The following GPR137C variants were observed in gnomAD, a reference collection of about 807,000 sequenced individuals.
The protein encoded by GPR137C is G protein-coupled receptor 137C, also known as integral membrane protein GPR137C.
Under a neutral mutation model 43.4 loss-of-function variants are expected in GPR137C, and 27 were observed. The ratio of observed to expected loss-of-function variants is 0.62; its 90% CI spans 0.46 to 0.86. GPR137C has a LOEUF of 0.86. Ranked by LOEUF, GPR137C falls within the 40% of genes least tolerant of loss-of-function variation. The pLI is 0.00. For synonymous variants in GPR137C, 285 were observed against 226.9 expected, an observed-to-expected ratio of 1.26 and a Z score of -2.30; for missense variants, 522 against 534.6, an observed-to-expected ratio of 0.98 and a Z score of 0.23.
intron 1 of GPR137C, among the ~76,000 whole-genome samples, chr14:52,595,344 C>T (rs2038840084): frequency 6.6e-6 from 1 of 152,120 alleles, no homozygotes; most frequent in Admixed American, 6.6e-5. Flanking sequence ...CTCTGAATTT[C>T]CTGGATTTGA....
intron 3 of GPR137C, chr14:52,613,359 T>G (rs1439271913): frequency 6.6e-6 from 1 of 152,182 alleles, no homozygotes; most frequent in African/African-American, 2.4e-5. Context: ...TTACAAACAA[T>G]TCAATTATAC....
chr14:52,599,238 A>T (rs2139524501), intron 2 of GPR137C, among the ~76,000 whole-genome samples: 1 of 152,260 alleles, frequency 6.6e-6, no homozygotes, highest in South Asian at 2.1e-4. Context: ...TAAGGAGTTC[A>T]TGTGCAGAGT....
chr14:52,585,979 G>A (rs1213595762), intron 1 of GPR137C, among the ~76,000 whole-genome samples: 1 of 152,210 alleles, frequency 6.6e-6, no homozygotes, highest in Non-Finnish European at 1.5e-5. Context: ...AGCACTGTGA[G>A]AGGATGTTAC....
At chr14:52,631,812 A>G (rs2039296789) in intron 3 of GPR137C, among the ~76,000 whole-genome samples, 1 of 152,114 alleles carries the variant, frequency 6.6e-6, no homozygotes, top group Non-Finnish European at 1.5e-5. Flanking sequence ...TCTATTTTCC[A>G]TTCTTTTCTC....
intron 1 of GPR137C, among the ~76,000 whole-genome samples, chr14:52,569,155 CAG>C (rs1390470503): frequency 3.3e-5 from 5 of 152,204 alleles, no homozygotes; most frequent in Non-Finnish European, 5.9e-5. Context: ...CCCAGGCAAA[CAG>C]GGTCTGGAGA....
At chr14:52,596,401 T>C (rs1211679311) in intron 1 of GPR137C, among the ~76,000 whole-genome samples, 1 of 152,216 alleles carries the variant, frequency 6.6e-6, no homozygotes, top group Non-Finnish European at 1.5e-5. Context: ...TCTGCTGCCT[T>C]TTGTTCAGCT....
chr14:52,562,116 A>G (rs2038294063), intron 1 of GPR137C, among the ~76,000 whole-genome samples: 1 of 152,070 alleles, frequency 6.6e-6, no homozygotes, highest in Admixed American at 6.6e-5. Context: ...TTATGTTAGA[A>G]AAAGAACAGG....
intron 3 of GPR137C, among the ~76,000 whole-genome samples, chr14:52,610,944 G>A (rs1188581136): frequency 6.6e-6 from 1 of 152,022 alleles, no homozygotes; most frequent in East Asian, 1.9e-4. Context: ...TTTTAGGTGT[G>A]TATTTTTATA....
At chr14:52,586,644 G>A (rs974333951) in intron 1 of GPR137C, among the ~76,000 whole-genome samples, 6 of 152,084 alleles carry the variant, frequency 3.9e-5, no homozygotes, top group African/African-American at 9.7e-5. Flanking sequence ...ACATATCACA[G>A]GTTGACTCTC....
chr14:52,578,433 G>T (rs2038596160), intron 1 of GPR137C, among the ~76,000 whole-genome samples: 3 of 151,840 alleles, frequency 2.0e-5, no homozygotes. Flanking sequence ...ATTTCTACTA[G>T]CATTTGTAAT....
intron 3 of GPR137C, among the ~76,000 whole-genome samples, chr14:52,627,426 C>T (rs2039240724): frequency 6.6e-6 from 1 of 152,098 alleles, no homozygotes; most frequent in African/African-American, 2.4e-5. Context: ...TTGAAATTGA[C>T]AGGTTGGCAA....
intron 3 of GPR137C, among the ~76,000 whole-genome samples, chr14:52,622,598 A>C (rs1304215186): frequency 3.3e-5 from 5 of 152,024 alleles, no homozygotes; most frequent in Non-Finnish European, 7.4e-5. Flanking sequence ...TTTTGAAAAA[A>C]AATATGCCCA....
At chr14:52,581,533 C>CAA (rs11420705) in intron 1 of GPR137C, among the ~76,000 whole-genome samples, 225 of 128,100 alleles carry the variant, frequency 1.8e-3, no homozygotes, top group Admixed American at 8.0e-3. Context: ...GACTCCGTCT[C>CAA]AAAAAAAAAA....
At chr14:52,553,659 G>A (rs2038136699) in intron 1 of GPR137C, 68 bp downstream of exon 1, 3 of 861,946 alleles carry the variant, frequency 3.5e-6, no homozygotes, top group Admixed American at 2.9e-5. Context: ...AACTCCCGCT[G>A]AGGACCAGCG....
chr14:52,632,941 G>A (rs1478790599), intron 4 of GPR137C, among the ~76,000 whole-genome samples: 1 of 152,008 alleles, frequency 6.6e-6, no homozygotes, highest in African/African-American at 2.4e-5. Context: ...GCTTTGTACT[G>A]AATTTAAGGG....
chr14:52,623,260 C>T (rs2039181008), intron 3 of GPR137C, among the ~76,000 whole-genome samples: 2 of 151,770 alleles, frequency 1.3e-5, no homozygotes, highest in Admixed American at 6.6e-5. Context: ...TCAGTTAAAT[C>T]CTTAAATCAG....
chr14:52,577,850 C>A (rs557396031), intron 1 of GPR137C, among the ~76,000 whole-genome samples: 4 of 150,874 alleles, frequency 2.7e-5, no homozygotes, highest in African/African-American at 9.7e-5. Flanking sequence ...ACCTGTAAGT[C>A]CCAGCTACTG....
chr14:52,594,614 G>A (rs1451621059), intron 1 of GPR137C, among the ~76,000 whole-genome samples: 1 of 152,122 alleles, frequency 6.6e-6, no homozygotes, highest in Non-Finnish European at 1.5e-5. Context: ...TTTAAAGTCT[G>A]TTTTATCAGA....
intron 3 of GPR137C, among the ~76,000 whole-genome samples, chr14:52,605,493 A>G (rs1425225860): frequency 6.6e-6 from 1 of 152,180 alleles, no homozygotes; most frequent in Non-Finnish European, 1.5e-5. Context: ...AATCTGTAAC[A>G]AGGATTAATT....
Sources: gnomAD v4.1 joint callset for allele counts (sites outside exome capture counted in the v4.1 genomes callset) on GRCh38, gnomAD v4.1.1 for gene constraint, MANE v1.5 for transcripts, NCBI Gene and HGNC (gene_info 2026-07-23, HGNC 2026-07-21) for gene names.